MAF: variants seen among roughly 807,000 people sequenced by gnomAD.
The protein encoded by MAF is transcription factor Maf.
In MAF, 10 loss-of-function variants were observed where a neutral mutation model predicts 22.0. The observed-to-expected ratio is 0.45, with a 90% CI of 0.28 to 0.77. MAF has a LOEUF of 0.77. Ranked by LOEUF, MAF falls within the 30% of genes least tolerant of loss-of-function variation. MAF has a pLI of 0.12. For missense variants in MAF, 544 were observed against 548.4 expected (o/e 0.99, Z 0.08); for synonymous variants, 337 against 255.8 (o/e 1.32, Z -3.03).
chr16:79,596,138 T>C, intron 1 of MAF: 1 of 1,062,812 alleles, frequency 9.4e-7, no homozygotes, highest in Middle Eastern at 4.2e-4. Flanking sequence ...TGTCTATGGA[T>C]GGCTTTGCTC....
the MAF span, among the ~76,000 whole-genome samples, chr16:79,329,346 T>G: frequency 6.6e-6 from 1 of 152,136 alleles, no homozygotes; most frequent in Non-Finnish European, 1.5e-5. Context: ...AAGTGAGAGT[T>G]TGCATCAGTC....
At chr16:79,253,008 A>G in the MAF span, among the ~76,000 whole-genome samples, 1 of 152,224 alleles carries the variant, frequency 6.6e-6, no homozygotes, top group Non-Finnish European at 1.5e-5. Flanking sequence ...ACGCTTAAAT[A>G]AAATCCACTT....
At chr16:79,583,538 G>A (rs1173301211), downstream of MAF, among the ~76,000 whole-genome samples, 1 of 152,176 alleles carries the variant, frequency 6.6e-6, no homozygotes, top group Non-Finnish European at 1.5e-5. Context: ...ATCCGGATGG[G>A]TCTTAGCCAG....
chr16:79,261,998 T>C, the MAF span, among the ~76,000 whole-genome samples: 2 of 152,148 alleles, frequency 1.3e-5, no homozygotes, highest in South Asian at 2.1e-4. Context: ...GAAAACATCA[T>C]GCACAATCCT....
At chr16:79,547,901 T>TCA in the MAF span, among the ~76,000 whole-genome samples, 1 of 137,266 alleles carries the variant, frequency 7.3e-6, no homozygotes, top group African/African-American at 2.7e-5. Flanking sequence ...TGTGTGTGTG[T>TCA]GAGAGAGAGA....
At chr16:79,482,593 C>G in the MAF span, among the ~76,000 whole-genome samples, 1 of 152,172 alleles carries the variant, frequency 6.6e-6, no homozygotes, top group East Asian at 1.9e-4. Flanking sequence ...ACCACCTGCT[C>G]CTTCCCACAC....
the MAF span, among the ~76,000 whole-genome samples, chr16:79,471,246 C>G: frequency 6.6e-6 from 1 of 152,212 alleles, no homozygotes; most frequent in African/African-American, 2.4e-5. Context: ...AATCTGCTTA[C>G]TTTTTTCCTT....
chr16:79,226,385 G>A, the MAF span, among the ~76,000 whole-genome samples: 931 of 152,020 alleles, frequency 6.1e-3, 4 homozygotes, highest in Admixed American at 8.8e-3. Flanking sequence ...TCAGGGGGTG[G>A]GGTGTTAGGG....
the MAF span, among the ~76,000 whole-genome samples, chr16:79,493,141 T>TG: frequency 3.3e-5 from 4 of 122,672 alleles, no homozygotes; most frequent in African/African-American, 2.2e-4. Flanking sequence ...TGTTTTTTTT[T>TG]TGTTTTGTTT....
chr16:79,542,503 AC>A, the MAF span, among the ~76,000 whole-genome samples: 2 of 151,838 alleles, frequency 1.3e-5, no homozygotes, highest in East Asian at 3.9e-4. Flanking sequence ...ACCCCCAGCC[AC>A]CCCCCAGACA....
At chr16:79,547,740 A>G in the MAF span, among the ~76,000 whole-genome samples, 24 of 152,290 alleles carry the variant, frequency 1.6e-4, 1 homozygote, top group African/African-American at 5.5e-4. Context: ...ATAAGCCACC[A>G]TATAGCATAA....
the MAF span, among the ~76,000 whole-genome samples, chr16:79,522,137 G>C: frequency 6.6e-6 from 1 of 152,088 alleles, no homozygotes; most frequent in African/African-American, 2.4e-5. Context: ...GATTCAGAGG[G>C]GTTGAGCATC....
chr16:79,367,874 T>C, the MAF span, among the ~76,000 whole-genome samples: 1 of 152,212 alleles, frequency 6.6e-6, no homozygotes, highest in Non-Finnish European at 1.5e-5. Flanking sequence ...CATAACCAGA[T>C]TCTTCTTTTG....
chr16:79,500,111 C>A, the MAF span, among the ~76,000 whole-genome samples: 1 of 152,174 alleles, frequency 6.6e-6, no homozygotes, highest in Non-Finnish European at 1.5e-5. Flanking sequence ...AGAACCATGA[C>A]CCCGCTGACA....
chr16:79,347,825 A>G, the MAF span, among the ~76,000 whole-genome samples: 6 of 152,192 alleles, frequency 3.9e-5, no homozygotes, highest in Admixed American at 2.6e-4. Context: ...GGTCAGACTC[A>G]GGAACCATGG....
At chr16:79,598,598 G>GTGTT (rs1457758727) in intron 1 of MAF, 187 bp downstream of exon 1, 1 of 1,490,096 alleles carries the variant, frequency 6.7e-7, no homozygotes, top group Non-Finnish European at 8.9e-7. Flanking sequence ...GTGTGTGTGT[G>GTGTT]TGTGTGTGTG....
the MAF span, among the ~76,000 whole-genome samples, chr16:79,328,387 T>A: frequency 6.6e-6 from 1 of 152,138 alleles, no homozygotes; most frequent in African/African-American, 2.4e-5. Context: ...GGCCACTTGG[T>A]TGTGCTGGAG....
At chr16:79,311,320 C>T in the MAF span, among the ~76,000 whole-genome samples, 1 of 152,048 alleles carries the variant, frequency 6.6e-6, no homozygotes, top group Non-Finnish European at 1.5e-5. Context: ...GAGAGTGTCA[C>T]GCAGGTATTG....
chr16:79,573,125 ATCT>A, the MAF span, among the ~76,000 whole-genome samples: 1 of 152,124 alleles, frequency 6.6e-6, no homozygotes, highest in African/African-American at 2.4e-5. Context: ...TAGGTCATTT[ATCT>A]TCTTATGGAT....
Sources: gnomAD v4.1 joint callset for allele counts (sites outside exome capture counted in the v4.1 genomes callset) on GRCh38, gnomAD v4.1.1 for gene constraint, MANE v1.5 for transcripts, NCBI Gene and HGNC (gene_info 2026-07-23, HGNC 2026-07-21) for gene names.